The following IDO2 variants were observed in gnomAD, a reference collection of about 807,000 sequenced individuals.
The protein encoded by IDO2 is indoleamine 2,3-dioxygenase 2, also known as indoleamine 2,3-dioxygenase-like 1 protein.
In IDO2, 46 loss-of-function variants were observed where a neutral mutation model predicts 45.1. The ratio of observed to expected loss-of-function variants is 1.02; its 90% CI spans 0.80 to 1.30. IDO2 has a LOEUF of 1.30. Among genes scored for constraint, IDO2 ranks in the 50% most tolerant of loss-of-function variants. The pLI, the probability that IDO2 is intolerant of heterozygous loss-of-function variation, is 0.00. For synonymous variants in IDO2, 218 were observed against 184.9 expected, an observed-to-expected ratio of 1.18 and a Z score of -1.45; for missense variants, 544 against 491.8, an observed-to-expected ratio of 1.11 and a Z score of -1.00.
At chr8:39,966,923 A>G (rs1808093391) in intron 3 of IDO2, among the ~76,000 whole-genome samples, 1 of 152,204 alleles carries the variant, frequency 6.6e-6, no homozygotes, top group African/African-American at 2.4e-5. Context: ...AAATAAGATG[A>G]TATTAGTGCT....
chr8:39,969,056 G>A (rs1808141974), intron 3 of IDO2, among the ~76,000 whole-genome samples: 4 of 152,238 alleles, frequency 2.6e-5, no homozygotes, highest in Admixed American at 2.6e-4. Flanking sequence ...AACTTTACAG[G>A]ATCACTATAC....
intron 8 of IDO2, among the ~76,000 whole-genome samples, chr8:39,994,755 C>T (rs529869133): frequency 6.6e-6 from 1 of 152,092 alleles, no homozygotes; most frequent in Non-Finnish European, 1.5e-5. Context: ...ATGACATTTA[C>T]TCAAACTTCC....
intron 1 of IDO2, among the ~76,000 whole-genome samples, chr8:39,938,485 C>CTAA (rs1807591341): frequency 6.6e-6 from 1 of 151,794 alleles, no homozygotes; most frequent in Admixed American, 6.6e-5. Context: ...GACCATAAAA[C>CTAA]TATTAGAGAT....
chr8:39,941,216 C>A (rs1585393180), intron 1 of IDO2, among the ~76,000 whole-genome samples: 1 of 47,680 alleles, frequency 2.1e-5, no homozygotes. Flanking sequence ...AGCAAGACTC[C>A]ATCTCAAAAA....
chr8:39,978,046 G>A (rs958390271), intron 3 of IDO2, among the ~76,000 whole-genome samples: 3 of 152,148 alleles, frequency 2.0e-5, no homozygotes, highest in Admixed American at 6.5e-5. Context: ...ATTCTATCTA[G>A]CTGTATTTTA....
rs72643911 is a variant in IDO2, at chr8:39,937,722, C to T, written c.-18+2504C>T. On this transcript the variant is annotated intron_variant, in intron 1 of 10. Transcript: ENST00000502986. ...TTTTTGTAGAGAAATGGTCTGGCTACGTTGCCCAGGCTGGTCCCAAACTCC... is the reference window on the plus strand; with the variant it reads ...TTTTTGTAGAGAAATGGTCTGGCTATGTTGCCCAGGCTGGTCCCAAACTCC... Among the ~76,000 whole-genome samples the T allele has an allele frequency of 3.3e-3, 507 of 152,116 alleles. 2 individuals carry two copies. The highest frequency in any genetic ancestry group is 5.0e-3 in the Non-Finnish European group (341 of 68,010).
chr8:39,985,631 A>G, intron 6 of IDO2, 109 bp downstream of exon 6: 1 of 890,364 alleles, frequency 1.1e-6, no homozygotes, highest in Non-Finnish European at 1.7e-6. Flanking sequence ...TATAATATCA[A>G]CCATATAAAA....
At chr8:40,005,330 A>T in exon 9 of IDO2, 1 of 1,575,486 alleles carries the variant, frequency 6.3e-7, no homozygotes, top group African/African-American at 1.3e-5. Flanking sequence ...TCTCCAGATT[A>T]TGTAGATCCA....
intron 8 of IDO2, among the ~76,000 whole-genome samples, chr8:39,999,342 C>G (rs1802101874): frequency 7.4e-6 from 1 of 134,496 alleles, no homozygotes; most frequent in Non-Finnish European, 1.5e-5. Flanking sequence ...TGCAGTGGTG[C>G]AATCTTGGCT....
chr8:40,012,401 G>C (rs1177013201), intron 9 of IDO2, among the ~76,000 whole-genome samples: 1 of 152,166 alleles, frequency 6.6e-6, no homozygotes, highest in Non-Finnish European at 1.5e-5. Context: ...TCCTTTAACA[G>C]TATGACCCTG....
chr8:39,979,239 G>T (rs969197100), intron 4 of IDO2, 53 bp downstream of exon 4: 1 of 1,550,100 alleles, frequency 6.5e-7, no homozygotes. Flanking sequence ...CCTGCGCCTG[G>T]AGTAACGTGC....
At chr8:39,996,615 T>C in intron 8 of IDO2, among the ~76,000 whole-genome samples, 1 of 152,064 alleles carries the variant, frequency 6.6e-6, no homozygotes, top group Non-Finnish European at 1.5e-5. Flanking sequence ...TCTTTATTTC[T>C]ACCATCTCTT....
At chr8:39,938,286 T>TTATCTATCTATA (rs60372490) in intron 1 of IDO2, among the ~76,000 whole-genome samples, 3 of 65,434 alleles carry the variant, frequency 4.6e-5, no homozygotes, top group African/African-American at 8.6e-5. Context: ...CTACAAAAAA[T>TTATCTATCTATA]TCTCTATCTA....
rs59745370 is a variant in IDO2 at position 39,941,221 on chromosome 8, C to CAA, written c.-18+6020_-18+6021dup. ...TGGGTGACAAAGCAAGACTCCATCTCAAAAAAAAAAAAAAAAAAGCCTCCT... is the reference window on the plus strand; with the variant it reads ...TGGGTGACAAAGCAAGACTCCATCTCAAAAAAAAAAAAAAAAAAAAGCCTCCT... On this transcript the variant is annotated intron_variant, in intron 1 of 10. Transcript: ENST00000502986. Among the ~76,000 whole-genome samples the CAA allele has an allele frequency of 5.9e-3, 474 of 80,364 alleles. 32 individuals are homozygous for CAA. The highest frequency in any genetic ancestry group is 0.055 in the East Asian group (136 of 2,464). The allele number at this position is 80,364 out of a possible 152,430, so 52.7% of individuals were successfully genotyped here. A position where few individuals can be genotyped will look rare whatever the true frequency, so the allele number is the denominator to read the frequency against.
chr8:40,016,288 T>C, exon 11 of IDO2: 1 of 398,170 alleles, frequency 2.5e-6, no homozygotes, highest in Non-Finnish European at 4.4e-6. Flanking sequence ...AAAATCTGTA[T>C]TTGTAAAATG....
chr8:39,953,977 C>T (rs1376038730), intron 2 of IDO2, among the ~76,000 whole-genome samples: 1 of 152,198 alleles, frequency 6.6e-6, no homozygotes, highest in Non-Finnish European at 1.5e-5. Context: ...TGCCATCTAA[C>T]CGAATGCCAT....
rs1808030215 is a variant in IDO2 at position 39,963,492 on chromosome 8, T to C, written c.100-116T>C. 6.3e-6 allele frequency: 4 copies of C among 633,550 alleles called. No individual in the cohort carries two copies. In the Admixed American group the frequency reaches 1.2e-4, roughly 18 times the overall value. The allele number at this position is 633,550 out of a possible 1,614,324, so 39.2% of individuals were successfully genotyped here. ...CTAGCATATGGTGCATTCTCAATGT[T>C]CGTTCAACTGCATTGACTTGAATTC... is the stretch of plus-strand genomic sequence containing the variant. On this transcript the variant is annotated intron_variant, in intron 2 of 10. Transcript: ENST00000502986.
In IDO2 at chr8:40,011,395, C is replaced by T. The variant is rs774904448; in HGVS notation, c.720-2170C>T. On this transcript the variant is annotated intron_variant, in intron 9 of 10. Coordinates refer to ENST00000502986, the Ensembl canonical transcript of IDO2. ...ATCAACCAGATTACAAAGAAAGACC[C>T]GAACATGTGTGCCCATATATCACCC... is the stretch of plus-strand genomic sequence containing the variant. Among the ~76,000 whole-genome samples the T allele has an allele frequency of 7.2e-5, 11 of 152,238 alleles. No homozygotes were observed. The South Asian group carries it at 1.2e-3, about 17-fold the overall frequency.
intron 8 of IDO2, among the ~76,000 whole-genome samples, chr8:39,997,402 G>A (rs73621342): frequency 0.024 from 3,641 of 152,120 alleles, 62 homozygotes; most frequent in Middle Eastern, 0.038. Context: ...TGCCAGATGC[G>A]GTGGCTCATG....
Sources: gnomAD v4.1 joint callset for allele counts (sites outside exome capture counted in the v4.1 genomes callset) on GRCh38, gnomAD v4.1.1 for gene constraint, MANE v1.5 for transcripts, NCBI Gene and HGNC (gene_info 2026-07-23, HGNC 2026-07-21) for gene names.